Variants in IL1RAPL2 observed in about 807,000 individuals in gnomAD.
The protein encoded by IL1RAPL2 is X-linked interleukin-1 receptor accessory protein-like 2.
Under a neutral mutation model 44.1 loss-of-function variants are expected in IL1RAPL2, and 3 were observed. The observed-to-expected ratio is 0.07, with a 90% CI of 0.03 to 0.18. The LOEUF (loss-of-function observed/expected upper bound fraction) is 0.18, where lower values mean the gene tolerates loss of function less well. Ranked by LOEUF, IL1RAPL2 falls within the 10% of genes least tolerant of loss-of-function variation. The pLI, the probability that IL1RAPL2 is intolerant of heterozygous loss-of-function variation, is 1.00. For missense variants in IL1RAPL2, 391 were observed against 496.4 expected (o/e 0.79, Z 2.02); for synonymous variants, 181 against 178.8 (o/e 1.01, Z -0.10).
chrX:105,554,392 A>C (rs1205342268), intron 6 of IL1RAPL2, among the ~76,000 whole-genome samples: 2 of 112,100 alleles, frequency 1.8e-5, no homozygotes, highest in Non-Finnish European at 3.8e-5. Context: ...TTTGATTATA[A>C]TATATCTTGG....
chrX:104,571,444 G>A (rs1486150707), intron 1 of IL1RAPL2, among the ~76,000 whole-genome samples: 1 of 111,614 alleles, frequency 9.0e-6, no homozygotes, highest in South Asian at 3.8e-4. Context: ...TAGTCCCCAC[G>A]TATCAAGGAT....
intron 2 of IL1RAPL2, among the ~76,000 whole-genome samples, chrX:105,074,741 T>G (rs1285331646): frequency 9.2e-6 from 1 of 108,228 alleles, no homozygotes; most frequent in Non-Finnish European, 1.9e-5. Flanking sequence ...TAGTTCTCCT[T>G]GAAGAGGTTC....
chrX:104,789,992 G>A (rs1347031461), intron 2 of IL1RAPL2, among the ~76,000 whole-genome samples: 1 of 112,135 alleles, frequency 8.9e-6, no homozygotes, highest in East Asian at 2.8e-4. Flanking sequence ...ATGTCACCAG[G>A]AGGAGCTGTC....
chrX:104,916,991 T>C (rs939481710), intron 2 of IL1RAPL2, among the ~76,000 whole-genome samples: 10 of 112,008 alleles, frequency 8.9e-5, no homozygotes, highest in Non-Finnish European at 1.5e-4. Context: ...TTGAGGATTT[T>C]TGCATTGATG....
intron 2 of IL1RAPL2, among the ~76,000 whole-genome samples, chrX:104,894,890 C>T (rs763683795): frequency 1.3e-4 from 15 of 112,195 alleles, no homozygotes; most frequent in Non-Finnish European, 2.6e-4. Context: ...AGCTTTTCTG[C>T]TCCGTTTTTT....
intron 1 of IL1RAPL2, among the ~76,000 whole-genome samples, chrX:104,601,415 A>G (rs1355870086): frequency 2.7e-5 from 3 of 110,136 alleles, no homozygotes; most frequent in Non-Finnish European, 5.7e-5. Flanking sequence ...CTATATTGCT[A>G]TTTTTAATTT....
At chrX:105,098,747 C>T (rs1373981289) in intron 2 of IL1RAPL2, among the ~76,000 whole-genome samples, 1 of 111,720 alleles carries the variant, frequency 9.0e-6, no homozygotes, top group African/African-American at 3.3e-5. Context: ...GGGTCAGAGT[C>T]GTGTTTGATT....
intron 5 of IL1RAPL2, among the ~76,000 whole-genome samples, chrX:105,363,311 AT>A (rs1369738042): frequency 2.5e-5 from 2 of 81,066 alleles, no homozygotes; most frequent in Non-Finnish European, 4.4e-5. Flanking sequence ...TATATATAAT[AT>A]ATATATATAT....
chrX:105,378,120 A>G (rs2035401963), intron 5 of IL1RAPL2, among the ~76,000 whole-genome samples: 1 of 111,968 alleles, frequency 8.9e-6, no homozygotes, highest in African/African-American at 3.2e-5. Context: ...TTTCAAAAGG[A>G]CATTCTCCTT....
At chrX:105,164,537 A>G (rs1237860276) in intron 2 of IL1RAPL2, among the ~76,000 whole-genome samples, 1 of 112,461 alleles carries the variant, frequency 8.9e-6, no homozygotes, top group Non-Finnish European at 1.9e-5. Flanking sequence ...GAGAAATGCT[A>G]TTAAGCAAAA....
intron 3 of IL1RAPL2, among the ~76,000 whole-genome samples, chrX:105,196,583 T>C (rs1365517839): frequency 8.9e-6 from 1 of 111,808 alleles, no homozygotes; most frequent in Non-Finnish European, 1.9e-5. Context: ...CATCGAGCTC[T>C]GTAAATACAC....
At chrX:105,045,599 G>A in intron 2 of IL1RAPL2, among the ~76,000 whole-genome samples, 1 of 111,719 alleles carries the variant, frequency 9.0e-6, no homozygotes, top group Non-Finnish European at 1.9e-5. Context: ...TCAGGTTGGA[G>A]TGCAGTGGTG....
At chrX:104,744,067 G>A (rs1463996470) in intron 2 of IL1RAPL2, among the ~76,000 whole-genome samples, 1 of 111,046 alleles carries the variant, frequency 9.0e-6, no homozygotes, top group Non-Finnish European at 1.9e-5. Context: ...GATGCTGAAT[G>A]AGTGAAAGTG....
At chrX:105,208,225 T>C (rs1569403880) in intron 3 of IL1RAPL2, among the ~76,000 whole-genome samples, 1 of 111,654 alleles carries the variant, frequency 9.0e-6, no homozygotes, top group Non-Finnish European at 1.9e-5. Flanking sequence ...ATTTTAGACA[T>C]TGAGCAATTC....
chrX:104,894,010 T>C (rs985525404), intron 2 of IL1RAPL2, among the ~76,000 whole-genome samples: 3 of 111,488 alleles, frequency 2.7e-5, no homozygotes, highest in Admixed American at 1.9e-4. Flanking sequence ...AGCATTTGCT[T>C]GTCTGTAAAG....
intron 6 of IL1RAPL2, among the ~76,000 whole-genome samples, chrX:105,519,180 T>C (rs1477169513): frequency 8.9e-6 from 1 of 111,920 alleles, no homozygotes; most frequent in African/African-American, 3.2e-5. Flanking sequence ...CAAGGTGCTA[T>C]ACACACATAC....
intron 1 of IL1RAPL2, among the ~76,000 whole-genome samples, chrX:104,591,489 C>T (rs772445107): frequency 2.7e-5 from 3 of 111,898 alleles, no homozygotes; most frequent in East Asian, 5.6e-4. Context: ...GTATAAAATA[C>T]TCACCAAGCA....
intron 5 of IL1RAPL2, among the ~76,000 whole-genome samples, chrX:105,443,436 A>G (rs2035934334): frequency 9.0e-6 from 1 of 111,461 alleles, no homozygotes; most frequent in African/African-American, 3.3e-5. Flanking sequence ...ATCAAATACT[A>G]GGTCTTATTC....
At chrX:105,699,763 A>C (rs917155384) in intron 6 of IL1RAPL2, among the ~76,000 whole-genome samples, 2 of 110,957 alleles carry the variant, frequency 1.8e-5, no homozygotes, top group Admixed American at 9.7e-5. Context: ...GCCCAATTTT[A>C]TCTCTTTTGG....
Sources: allele counts gnomAD v4.1 joint callset (sites outside exome capture counted in the v4.1 genomes callset), GRCh38; gene constraint gnomAD v4.1.1; transcripts MANE v1.5; gene names NCBI Gene and HGNC (gene_info 2026-07-23, HGNC 2026-07-21).